WDR27: variants seen among roughly 807,000 people sequenced by gnomAD.
WDR27 encodes WD repeat domain 27.
A neutral mutation model predicts 114.4 loss-of-function variants in WDR27; 100 were observed. That is an observed-to-expected ratio of 0.87 (90% CI 0.74 to 1.03). WDR27 has a LOEUF of 1.03. WDR27 is among the 50% of genes least tolerant of loss of function. The probability of loss-of-function intolerance (pLI) is 0.00; values close to 1 mark genes in which losing one functional copy is unlikely to be tolerated. For missense variants in WDR27, 1,129 were observed against 1,092.9 expected (o/e 1.03, Z -0.47); for synonymous variants, 449 against 423.1 (o/e 1.06, Z -0.75).
intron 25 of WDR27, among the ~76,000 whole-genome samples, chr6:169,470,565 G>C (rs889647223): frequency 5.9e-5 from 9 of 152,228 alleles, no homozygotes; most frequent in African/African-American, 2.2e-4. Flanking sequence ...TCACATTCTG[G>C]TGAGGACTTG....
chr6:169,639,751 G>A (rs779294714), intron 17 of WDR27, among the ~76,000 whole-genome samples: 4 of 152,164 alleles, frequency 2.6e-5, no homozygotes, highest in Non-Finnish European at 4.4e-5. Context: ...CCCAGACCCT[G>A]AGCACGTGCT....
intron 25 of WDR27, among the ~76,000 whole-genome samples, chr6:169,470,915 C>T (rs2115329948): frequency 6.6e-6 from 1 of 152,166 alleles, no homozygotes; most frequent in East Asian, 1.9e-4. Flanking sequence ...CTATATCTAA[C>T]CCTAATCAGC....
chr6:169,662,651 G>A (rs955237518), intron 8 of WDR27, among the ~76,000 whole-genome samples: 4 of 147,730 alleles, frequency 2.7e-5, no homozygotes, highest in East Asian at 4.0e-4. Flanking sequence ...CCAGCATGAC[G>A]CGCATGCACC....
chr6:169,577,776 T>G (rs748739517), intron 24 of WDR27, among the ~76,000 whole-genome samples: 1 of 152,170 alleles, frequency 6.6e-6, no homozygotes, highest in Non-Finnish European at 1.5e-5. Context: ...GCAGCAGCTT[T>G]TAAACCATTT....
intron 24 of WDR27, among the ~76,000 whole-genome samples, chr6:169,581,714 C>T (rs9295014): frequency 0.89 from 135,995 of 152,290 alleles, 61,324 homozygotes; most frequent in East Asian, 0.99. Context: ...TTACTCATTT[C>T]CAATATTCAA....
intron 25 of WDR27, among the ~76,000 whole-genome samples, chr6:169,501,410 C>A (rs73038112): frequency 6.6e-6 from 1 of 152,342 alleles, no homozygotes; most frequent in South Asian, 2.1e-4. Flanking sequence ...CAGTAGCCCG[C>A]AGATGTGCCT....
chr6:169,597,597 C>T (rs1038324553), intron 23 of WDR27, among the ~76,000 whole-genome samples: 5 of 152,040 alleles, frequency 3.3e-5, no homozygotes, highest in Non-Finnish European at 5.9e-5. Context: ...GAATTCCCAC[C>T]CTACTAGCAG....
At chr6:169,515,400 A>G (rs1793509610) in intron 25 of WDR27, among the ~76,000 whole-genome samples, 1 of 152,262 alleles carries the variant, frequency 6.6e-6, no homozygotes, top group South Asian at 2.1e-4. Context: ...CATAAAAGCT[A>G]GAATAATGAA....
chr6:169,578,229 T>C (rs1328832809), intron 24 of WDR27, among the ~76,000 whole-genome samples: 1 of 152,120 alleles, frequency 6.6e-6, no homozygotes, highest in East Asian at 1.9e-4. Flanking sequence ...GCCCACACGG[T>C]GCGTTAGGTG....
chr6:169,654,377 T>C (rs1415543474), intron 13 of WDR27, among the ~76,000 whole-genome samples: 2 of 152,182 alleles, frequency 1.3e-5, no homozygotes, highest in Non-Finnish European at 2.9e-5. Flanking sequence ...CGCAAGAACA[T>C]GAATCCAAAA....
intron 25 of WDR27, among the ~76,000 whole-genome samples, chr6:169,494,360 C>T (rs1026381032): frequency 3.3e-5 from 5 of 152,100 alleles, no homozygotes; most frequent in Admixed American, 2.6e-4. Context: ...TTCCTTTGTA[C>T]TTAAAGTGAA....
At chr6:169,458,343 A>C (rs958827393) in intron 25 of WDR27, among the ~76,000 whole-genome samples, 2 of 152,232 alleles carry the variant, frequency 1.3e-5, no homozygotes, top group African/African-American at 4.8e-5. Context: ...GAGGGTGCAA[A>C]TAGGCGAGCA....
At chr6:169,493,416 C>T (rs1185385524) in intron 25 of WDR27, among the ~76,000 whole-genome samples, 1 of 151,994 alleles carries the variant, frequency 6.6e-6, no homozygotes, top group Non-Finnish European at 1.5e-5. Context: ...TTAAGAAATC[C>T]ACTTCAGAAG....
At position 169,684,535 on chromosome 6, in the gene WDR27, G is replaced by A. The variant is rs753758485; in HGVS notation, c.189+4282C>T. Among the ~76,000 whole-genome samples, 14 of 152,156 alleles carry A rather than the reference G, an allele frequency of 9.2e-5. No homozygotes were observed. Among genetic ancestry groups the A allele is most frequent in the Non-Finnish European group, 1.8e-4 (12 of 68,018 alleles). The stretch of plus-strand genomic sequence containing the variant: ...TTGGAGGCACATCACCAAGCGGGCT[G>A]AGCAGCCCTGTTCCCATGTCCTGGG... On this transcript the variant is annotated intron_variant, in intron 2 of 25. Coordinates refer to ENST00000448612, the MANE Select transcript of WDR27 (RefSeq NM_182552.5). This position sits in a 1 kb window ranked among gnomAD's most constrained non-coding sequence, Gnocchi z 4.3.
intron 23 of WDR27, among the ~76,000 whole-genome samples, chr6:169,591,671 A>G (rs1242295062): frequency 6.6e-6 from 1 of 152,146 alleles, no homozygotes; most frequent in Non-Finnish European, 1.5e-5. Context: ...GAAGTCAATC[A>G]CAGTCATTAC....
At position 169,565,119 on chromosome 6, in the gene WDR27, C is replaced by T. The variant is rs141497807; in HGVS notation, c.2645+7300G>A. ...GTGCAGTCCCGCCACCTTGCTTACACGGCGGGAGATGTGTTCTGACCAGCA... is the reference window on the plus strand; with the variant it reads ...GTGCAGTCCCGCCACCTTGCTTACATGGCGGGAGATGTGTTCTGACCAGCA... On this transcript the variant is annotated intron_variant, in intron 25 of 25. Transcript: ENST00000448612. Among the ~76,000 whole-genome samples the T allele has an allele frequency of 1.7e-3, 253 of 152,282 alleles. 3 individuals are homozygous for T. The highest frequency in any genetic ancestry group is 5.7e-3 in the African/African-American group (235 of 41,558).
At chr6:169,699,528 A>C (rs191175334) in intron 1 of WDR27, among the ~76,000 whole-genome samples, 187 of 152,340 alleles carry the variant, frequency 1.2e-3, no homozygotes, top group Non-Finnish European at 2.1e-3. Flanking sequence ...AGAAGTATCA[A>C]GCAAAGAACA....
intron 17 of WDR27, among the ~76,000 whole-genome samples, chr6:169,641,871 G>A (rs1819267005): frequency 6.6e-6 from 1 of 152,246 alleles, no homozygotes; most frequent in Non-Finnish European, 1.5e-5. Context: ...CCCGCGCAGC[G>A]CGCTCAGAAG....
chr6:169,512,872 A>C lies in WDR27; in HGVS notation c.2646-55238T>G, dbSNP rs922248826. Among the ~76,000 whole-genome samples the C allele has an allele frequency of 6.6e-5, 10 of 152,336 alleles. No individual in the cohort carries two copies. The East Asian group carries it at 1.9e-3, about 29-fold the overall frequency. On this transcript the variant is annotated intron_variant, in intron 25 of 25. Coordinates refer to ENST00000448612, the MANE Select transcript of WDR27 (RefSeq NM_182552.5). ...GTTAAAAGAAAATCTGTGAAGATAG[A>C]AAACACATAGAAAACTAAGGCTAAT...
Sources: gnomAD v4.1 joint callset for allele counts (sites outside exome capture counted in the v4.1 genomes callset) on GRCh38, gnomAD v4.1.1 for gene constraint, Gnocchi (gnomAD v3.1) non-coding constraint, MANE v1.5 for transcripts, NCBI Gene and HGNC (gene_info 2026-07-23, HGNC 2026-07-21) for gene names.